Variants in CPT1B observed in about 807,000 individuals in gnomAD.
CPT1B encodes the protein carnitine palmitoyltransferase 1B.
CPT1B carries 57 observed loss-of-function variants against 92.7 expected under a neutral mutation model. The observed-to-expected ratio is 0.62, with a 90% CI of 0.50 to 0.77. The LOEUF is 0.77. Among genes scored for constraint, CPT1B ranks in the 30% least tolerant of loss-of-function variants. The pLI is 0.00. For missense variants in CPT1B, 983 were observed against 1,017.4 expected, an observed-to-expected ratio of 0.97 and a Z score of 0.46; for synonymous variants, 398 against 383.5, an observed-to-expected ratio of 1.04 and a Z score of -0.44.
rs768041231 is a variant in CPT1B at position 50,571,401 on chromosome 22, T to C, written c.1714A>G (p.Ile572Val). The part of the protein sequence containing the change: ...CRTSPDAFVQ[I>V]ALQLAHFRDR... ...CGGAAGTGAGCCAGCTGCAGCGCGA[T>C]CTGCACAAAGGCATCAGGGCTGGTC... Residue 572 changes from isoleucine to valine, a missense_variant, in exon 14 of 20, where the codon ATC (isoleucine) becomes GTC (valine). Coordinates refer to ENST00000312108, the MANE Select transcript of CPT1B (RefSeq NM_152246.3). The C allele has an allele frequency of 5.6e-6, 9 of 1,613,764 alleles. No individual in the cohort carries two copies. Among genetic ancestry groups the C allele is most frequent in the Admixed American group, 3.3e-5 (2 of 60,016 alleles).
At chr22:50,570,487 GC>G in intron 16 of CPT1B, 81 bp from the exon 17 acceptor site, 1 of 1,131,682 alleles carries the variant, frequency 8.8e-7, no homozygotes, top group Non-Finnish European at 1.3e-6. Flanking sequence ...CCTACTCTGA[GC>G]CAGACACGGT....
At chr22:50,569,496 C>A in intron 18 of CPT1B, 75 bp from the exon 19 acceptor site, 1 of 1,607,062 alleles carries the variant, frequency 6.2e-7, no homozygotes. Flanking sequence ...AGGATGCCTC[C>A]CCAGCCAAAG....
Position 50,576,872 on chromosome 22 carries a change from C to G in CPT1B, c.444G>C (p.Leu148Phe), listed in dbSNP as rs777814034. 2 of 1,613,978 alleles carry G rather than the reference C, an allele frequency of 1.2e-6. No homozygotes were observed. The highest frequency in any genetic ancestry group is 2.2e-5 in the East Asian group (1 of 44,890). ...TGCTGCTCACAGCCCAGATCCTGGT[C>G]AAGTTGCTGGTCTTGCCATGCATCT... ...MFEMHGKTSN[L>F]TRIWAMCIRL... The change falls in exon 4 of 20, where the codon TTG (leucine) becomes TTC (phenylalanine). Residue 148 changes from leucine (L) to phenylalanine (F), a missense_variant. Physicochemically the swap from Leu to Phe is conservative, Grantham distance 22. Transcript: ENST00000312108.
At chr22:50,571,900 G>A in intron 13 of CPT1B, 106 bp downstream of exon 13, 1 of 1,087,346 alleles carries the variant, frequency 9.2e-7, no homozygotes, top group South Asian at 1.4e-5. Context: ...CGAGGGCTGG[G>A]CCAGGCAGTG....
At position 50,572,366 on chromosome 22, in the gene CPT1B, C is replaced by G. The variant is rs189053945; in HGVS notation, c.1353-58G>C. 5.6e-6 allele frequency: 6 copies of G among 1,067,904 alleles called. No individual in the cohort carries two copies. In the Admixed American group the frequency reaches 1.1e-4, roughly 19 times the overall value. 66.2% of individuals were successfully genotyped at this position (1,067,904 alleles called of 1,614,324 possible). A position where few individuals can be genotyped will look rare whatever the true frequency, so the allele number is the denominator to read the frequency against. ...GCTGGGAATGTCCAGAGGTGCCTGACCTGCAACCCCAACCTTTAACCCTAA... is the reference window on the plus strand; with the variant it reads ...GCTGGGAATGTCCAGAGGTGCCTGAGCTGCAACCCCAACCTTTAACCCTAA... On this transcript the variant is annotated intron_variant, in intron 11 of 19. Transcript: ENST00000312108.
At chr22:50,569,305 G>A in intron 19 of CPT1B, 31 bp downstream of exon 19, 1 of 1,607,554 alleles carries the variant, frequency 6.2e-7, no homozygotes, top group Non-Finnish European at 8.5e-7. Flanking sequence ...CCACAGTGTG[G>A]GGACGAAAGG....
Position 50,571,984 on chromosome 22 carries a change from GCT to G in CPT1B, c.1575+20_1575+21del. ...CCTGCTGCTTTGTGGTCTCACACCTGCTCTGGGAGCTTCCAACCCACCTGTTT... is the reference window on the plus strand; with the variant it reads ...CCTGCTGCTTTGTGGTCTCACACCTGCTGGGAGCTTCCAACCCACCTGTTT... On this transcript the variant is annotated intron_variant, in intron 13 of 19. Coordinates refer to ENST00000312108, the MANE Select transcript of CPT1B (RefSeq NM_152246.3). The G allele has an allele frequency of 2.5e-6, 4 of 1,605,124 alleles. No individual in the cohort carries two copies. In the African/African-American group the frequency reaches 4.0e-5, roughly 16 times the overall value.
At chr22:50,577,613 C>A in intron 2 of CPT1B, 150 bp from the exon 3 acceptor site, 2 of 1,409,372 alleles carry the variant, frequency 1.4e-6, no homozygotes, top group Non-Finnish European at 1.9e-6. Flanking sequence ...CCCACAGCTC[C>A]CTGTGTCCGA....
chr22:50,576,662 G>C (rs367590591), intron 4 of CPT1B, 25 bp from the exon 5 acceptor site: 6 of 1,606,068 alleles, frequency 3.7e-6, no homozygotes, highest in Non-Finnish European at 5.1e-6. Flanking sequence ...CAGAGTGCTG[G>C]GGTGGGAGCC....
intron 18 of CPT1B, 70 bp downstream of exon 18, chr22:50,569,506 G>A: frequency 6.2e-7 from 1 of 1,605,178 alleles, no homozygotes; most frequent in Non-Finnish European, 8.5e-7. Flanking sequence ...CCCAGCCAAA[G>A]ACACCTGTGT....
intron 7 of CPT1B, among the ~76,000 whole-genome samples, chr22:50,575,371 G>A (rs1471628553): frequency 1.3e-5 from 2 of 152,196 alleles, no homozygotes; most frequent in Admixed American, 6.5e-5. Context: ...TTTGATAAAG[G>A]GGTTCTACCA....
chr22:50,576,199 T>C lies in CPT1B; in HGVS notation c.698A>G (p.Tyr233Cys), dbSNP rs199949985. The C allele has an allele frequency of 2.5e-6, 4 of 1,613,932 alleles. No homozygotes were observed. Among genetic ancestry groups the C allele is most frequent in the Non-Finnish European group, 3.4e-6 (4 of 1,180,018 alleles). ...LVLKSWWASN[Y>C]VSDWWEEYIY... ...GTGAGCCCAGGGGCAGGAACTTACATAGTTACTTGCCCACCATGACTTGAG... is the reference window on the plus strand; with the variant it reads ...GTGAGCCCAGGGGCAGGAACTTACACAGTTACTTGCCCACCATGACTTGAG... Residue 233 changes from tyrosine to cysteine, a missense_variant and splice_region_variant, in exon 6 of 20, where the codon TAT becomes TGT. Coordinates refer to ENST00000312108, the MANE Select transcript of CPT1B (RefSeq NM_152246.3).
At chr22:50,577,973 C>T (rs1475693851) in intron 1 of CPT1B, 39 bp from the exon 2 acceptor site, 25 of 1,472,526 alleles carry the variant, frequency 1.7e-5, no homozygotes, top group Admixed American at 6.2e-5. Flanking sequence ...CGCGCTTAGG[C>T]CGGCCCCGCC....
At position 50,577,865 on chromosome 22, in the gene CPT1B, G is replaced by C. The variant is rs199821148; in HGVS notation, c.51C>G (p.Asp17Glu). ...AVAFQFTVTP[D>E]GVDFRLSREA... ...CCCGACTGAGCCGGAAGTCGACCCC[G>C]TCTGGGGTCACCGTGAACTGGAAGG... Residue 17 changes from aspartate to glutamate, a missense_variant, in exon 2 of 20, where the codon GAC becomes GAG. Transcript: ENST00000312108. The C allele has an allele frequency of 6.2e-7, 1 of 1,613,452 alleles. No homozygotes were observed. Among genetic ancestry groups the C allele is most frequent in the Non-Finnish European group, 8.5e-7 (1 of 1,179,792 alleles).
In CPT1B at chr22:50,571,241, G is replaced by A. The variant is rs775418955; in HGVS notation, c.1792C>T (p.Arg598Trp). 20 of 1,614,008 alleles carry A rather than the reference G, an allele frequency of 1.2e-5. No homozygotes were observed. The highest frequency in any genetic ancestry group is 2.7e-5 in the African/African-American group (2 of 75,030). The change falls in exon 15 of 20, where the codon CGG becomes TGG. Residue 598 changes from arginine to tryptophan, a missense_variant. Physicochemically the swap from Arg to Trp is moderately radical, Grantham distance 101. Transcript: ENST00000312108. The stretch of plus-strand genomic sequence containing the variant: ...CGCACAGTCTCAGTCCGTCCCTCCC[G>A]GAACATTCTGGTCATTGAGGCCTCA... ...TYEASMTRMF[R>W]EGRTETVRSC...
At chr22:50,572,385 A>T (rs2070220750) in intron 11 of CPT1B, 77 bp from the exon 12 acceptor site, 1 of 832,598 alleles carries the variant, frequency 1.2e-6, no homozygotes, top group Non-Finnish European at 2.0e-6. Flanking sequence ...CCAACCTTTA[A>T]CCCTAATTAC....
At position 50,571,270 on chromosome 22, in the gene CPT1B, G is replaced by A; in HGVS notation, c.1763C>T (p.Thr588Ile). ...HFRDRGKFCL[T>I]YEASMTRMFR... ...CATTCTGGTCATTGAGGCCTCATAG[G>A]TCAGGCAGAACTTACCCCTGTCCTG... The change falls in exon 15 of 20, where the codon ACC becomes ATC. Residue 588 changes from threonine to isoleucine, a missense_variant. Thr to Ile is a moderately conservative substitution (Grantham distance 89, BLOSUM62 -1). Transcript: ENST00000312108. 6.2e-7 allele frequency: 1 copy of A among 1,613,948 alleles called. No homozygotes were observed. Among genetic ancestry groups the A allele is most frequent in the Non-Finnish European group, 8.5e-7 (1 of 1,180,040 alleles).
In CPT1B at chr22:50,576,215, A is replaced by G. The variant is rs2070426523; in HGVS notation, c.682T>C (p.Trp228Arg). The G allele has an allele frequency of 1.9e-6, 3 of 1,614,094 alleles. No individual in the cohort carries two copies. Among genetic ancestry groups the G allele is most frequent in the Non-Finnish European group, 2.5e-6 (3 of 1,180,008 alleles). Reference sequence around the variant, plus strand: ...GAACTTACATAGTTACTTGCCCACCATGACTTGAGCACCAGGTATTTCTGC... The same window carrying G: ...GAACTTACATAGTTACTTGCCCACCGTGACTTGAGCACCAGGTATTTCTGC... ...RLQKYLVLKS[W>R]WASNYVSDWW... The change falls in exon 6 of 20, where the codon TGG becomes CGG. Residue 228 changes from tryptophan (W) to arginine (R), a missense_variant. By Grantham distance (101) the Trp-to-Arg change is moderately radical (BLOSUM62 -3). Coordinates refer to ENST00000312108, the MANE Select transcript of CPT1B (RefSeq NM_152246.3).
At chr22:50,572,813 C>T in intron 11 of CPT1B, 62 bp downstream of exon 11, 3 of 1,539,234 alleles carry the variant, frequency 1.9e-6, no homozygotes, top group Admixed American at 3.5e-5. Context: ...ATCTTTAATC[C>T]TCTAACCATA....
Sources: gnomAD v4.1 joint callset for allele counts (sites outside exome capture counted in the v4.1 genomes callset) on GRCh38, gnomAD v4.1.1 for gene constraint, MANE v1.5 for transcripts, NCBI Gene and HGNC (gene_info 2026-07-23, HGNC 2026-07-21) for gene names.